The following GNB4 variants were observed in gnomAD, a reference collection of about 807,000 sequenced individuals.
GNB4 encodes G protein subunit beta 4, also known as guanine nucleotide-binding protein subunit beta-4.
GNB4 carries 28 observed loss-of-function variants against 45.2 expected under a neutral mutation model. The observed-to-expected ratio is 0.62, with a 90% CI of 0.46 to 0.85. The LOEUF (loss-of-function observed/expected upper bound fraction) is 0.85, where lower values mean the gene tolerates loss of function less well. Ranked by LOEUF, GNB4 falls within the 40% of genes least tolerant of loss-of-function variation. The pLI, the probability that GNB4 is intolerant of heterozygous loss-of-function variation, is 0.00. For missense variants in GNB4, 321 were observed against 425.4 expected, an observed-to-expected ratio of 0.75 and a Z score of 2.16; for synonymous variants, 132 against 143.7, an observed-to-expected ratio of 0.92 and a Z score of 0.58.
upstream of GNB4, among the ~76,000 whole-genome samples, chr3:179,452,231 T>C (rs1299356953): frequency 6.7e-6 from 1 of 148,708 alleles, no homozygotes; most frequent in Non-Finnish European, 1.5e-5. Context: ...TTTTTTTTTT[T>C]CACATTTATC....
chr3:179,474,404 A>G, the GNB4 span, among the ~76,000 whole-genome samples: 1 of 151,928 alleles, frequency 6.6e-6, no homozygotes, highest in Non-Finnish European at 1.5e-5. Context: ...TTGTATTTTT[A>G]GTAGAGATGA....
chr3:179,414,609 G>A (rs894027978), intron 6 of GNB4, among the ~76,000 whole-genome samples: 1 of 152,138 alleles, frequency 6.6e-6, no homozygotes, highest in African/African-American at 2.4e-5. Context: ...AGAAAATGGA[G>A]AACATTTTAT....
In GNB4 at chr3:179,405,232, A is replaced by T. The variant is rs1336195634; in HGVS notation, c.874T>A (p.Phe292Ile). The T allele has an allele frequency of 1.2e-6, 2 of 1,614,164 alleles. No individual in the cohort carries two copies. Among genetic ancestry groups the T allele is most frequent in the East Asian group, 4.5e-5 (2 of 44,886 alleles). Reference sequence around the variant, plus strand: ...AGCGTGTCCCATACATTACAATTAAAGTCATCGTAACCAGCCAACAAGAGA... The same window carrying T: ...AGCGTGTCCCATACATTACAATTAATGTCATCGTAACCAGCCAACAAGAGA... ...GRLLLAGYDD[F>I]NCNVWDTLKG... The change falls in exon 9 of 10, where the codon TTT (phenylalanine) becomes ATT (isoleucine). Residue 292 changes from phenylalanine to isoleucine, a missense_variant. Transcript: ENST00000232564.
At chr3:179,443,193 T>C (rs1050577246) in intron 1 of GNB4, among the ~76,000 whole-genome samples, 2 of 152,176 alleles carry the variant, frequency 1.3e-5, no homozygotes, top group African/African-American at 4.8e-5. Context: ...GCAATTACCA[T>C]AGTCACGGAA....
At chr3:179,507,220 G>A in the GNB4 span, among the ~76,000 whole-genome samples, 1 of 152,128 alleles carries the variant, frequency 6.6e-6, no homozygotes, top group Non-Finnish European at 1.5e-5. Context: ...TATTGCACTA[G>A]TCTTGCCTCT....
the GNB4 span, among the ~76,000 whole-genome samples, chr3:179,479,928 T>G: frequency 1.3e-5 from 2 of 152,242 alleles, no homozygotes; most frequent in Non-Finnish European, 2.9e-5. Context: ...GTTCATGTTT[T>G]GGAAAACGAA....
intron 2 of GNB4, among the ~76,000 whole-genome samples, chr3:179,425,469 T>G (rs1273885763): frequency 1.3e-5 from 2 of 152,124 alleles, no homozygotes; most frequent in African/African-American, 2.4e-5. Flanking sequence ...CTGCCACTGA[T>G]AGTTTTGTTT....
chr3:179,450,907 C>T (rs1715852098), intron 1 of GNB4: 1 of 152,234 alleles, frequency 6.6e-6, no homozygotes, highest in South Asian at 2.1e-4. Context: ...TTTTATGAGT[C>T]TTCCAAGCAC....
In GNB4 at chr3:179,426,407, AT is replaced by A. The variant is rs140828984; in HGVS notation, c.-42-166del. 0.014 allele frequency among the ~76,000 whole-genome samples: 2,058 copies of A among 152,344 alleles called. 36 individuals carry two copies. Among genetic ancestry groups the A allele is most frequent in the African/African-American group, 0.047 (1,970 of 41,582 alleles). ...TGCTTAGTAAATATAGAATGAGGTT[AT>A]TTACTGAAGGGTTGTATACAAGAAC... On this transcript the variant is annotated intron_variant, in intron 1 of 9. Transcript: ENST00000232564.
At chr3:179,425,746 C>G (rs1273423899) in intron 2 of GNB4, among the ~76,000 whole-genome samples, 6 of 152,202 alleles carry the variant, frequency 3.9e-5, no homozygotes, top group Non-Finnish European at 1.5e-5. Context: ...GCTGGGATTA[C>G]AGGCATGAGC....
At chr3:179,526,738 G>A in the GNB4 span, among the ~76,000 whole-genome samples, 3 of 152,252 alleles carry the variant, frequency 2.0e-5, no homozygotes, top group Non-Finnish European at 4.4e-5. Context: ...TAGTCTGGTT[G>A]TATAAACTCT....
chr3:179,477,594 G>T, the GNB4 span, among the ~76,000 whole-genome samples: 6 of 152,108 alleles, frequency 3.9e-5, no homozygotes, highest in African/African-American at 1.4e-4. Flanking sequence ...AGATTACACT[G>T]GGCATTGTGG....
chr3:179,408,978 T>G (rs533632264), intron 8 of GNB4, among the ~76,000 whole-genome samples: 2 of 146,810 alleles, frequency 1.4e-5, no homozygotes, highest in East Asian at 2.1e-4. Flanking sequence ...AGACCCTATC[T>G]CTGCAAAAAA....
the GNB4 span, among the ~76,000 whole-genome samples, chr3:179,513,596 T>C: frequency 6.6e-6 from 1 of 152,198 alleles, no homozygotes; most frequent in Non-Finnish European, 1.5e-5. Flanking sequence ...TGCTTCTGCA[T>C]ATGTAAATAC....
At chr3:179,476,219 G>A in the GNB4 span, among the ~76,000 whole-genome samples, 1 of 152,230 alleles carries the variant, frequency 6.6e-6, no homozygotes, top group Non-Finnish European at 1.5e-5. Flanking sequence ...GAGGAAATGG[G>A]CAAGAAAGGG....
At chr3:179,410,592 T>C (rs557091062) in intron 8 of GNB4, 1 of 152,314 alleles carries the variant, frequency 6.6e-6, no homozygotes, top group Admixed American at 6.5e-5. Context: ...GTCTCCAAAC[T>C]TCCCCCTTTT....
the GNB4 span, among the ~76,000 whole-genome samples, chr3:179,493,771 T>C: frequency 2.6e-5 from 4 of 152,152 alleles, no homozygotes; most frequent in Non-Finnish European, 5.9e-5. Context: ...AGAAGAAAGA[T>C]GAGGCAGAGG....
At chr3:179,518,573 C>G in the GNB4 span, among the ~76,000 whole-genome samples, 7 of 152,134 alleles carry the variant, frequency 4.6e-5, no homozygotes, top group African/African-American at 1.7e-4. Flanking sequence ...ACTCGCCCAC[C>G]CTATAGTCCT....
At chr3:179,497,934 G>A in the GNB4 span, among the ~76,000 whole-genome samples, 1 of 152,264 alleles carries the variant, frequency 6.6e-6, no homozygotes, top group South Asian at 2.1e-4. Context: ...AATCTTATGT[G>A]CCGTTGATAG....
Sources: allele counts gnomAD v4.1 joint callset (sites outside exome capture counted in the v4.1 genomes callset), GRCh38; gene constraint gnomAD v4.1.1; transcripts MANE v1.5; gene names NCBI Gene and HGNC (gene_info 2026-07-23, HGNC 2026-07-21).